Variants in IPP observed in about 807,000 individuals in gnomAD.
IPP encodes actin-binding protein IPP.
In IPP, 41 loss-of-function variants were observed where a neutral mutation model predicts 64.1. The ratio of observed to expected loss-of-function variants is 0.64; its 90% CI spans 0.50 to 0.83. The LOEUF (loss-of-function observed/expected upper bound fraction) is 0.83, where lower values mean the gene tolerates loss of function less well. Ranked by LOEUF, IPP falls within the 40% of genes least tolerant of loss-of-function variation. IPP has a pLI of 0.00. For synonymous variants in IPP, 214 were observed against 235.2 expected, an observed-to-expected ratio of 0.91 and a Z score of 0.83; for missense variants, 649 against 703.0, an observed-to-expected ratio of 0.92 and a Z score of 0.87.
At chr1:45,747,861 A>AAAAAAAAC in intron 1 of IPP, among the ~76,000 whole-genome samples, 1 of 128,850 alleles carries the variant, frequency 7.8e-6, no homozygotes, top group Non-Finnish European at 1.7e-5. Flanking sequence ...AAAAAAAAAA[A>AAAAAAAAC]AAAAAACCAT....
chr1:45,739,994 G>A (rs888153629), intron 3 of IPP, among the ~76,000 whole-genome samples: 1 of 152,106 alleles, frequency 6.6e-6, no homozygotes, highest in East Asian at 1.9e-4. Context: ...TGTGTCCCTG[G>A]GTACTTGAGA....
chr1:45,748,969 C>CA (rs531462356), intron 1 of IPP, among the ~76,000 whole-genome samples: 37,523 of 97,114 alleles, frequency 0.39, 5,319 homozygotes, highest in East Asian at 0.49. Flanking sequence ...GACTCCGTCT[C>CA]AAAAAAAAAA....
chr1:45,737,042 CAAAA>C (rs367755391), intron 3 of IPP, among the ~76,000 whole-genome samples: 2 of 112,788 alleles, frequency 1.8e-5, no homozygotes, highest in Non-Finnish European at 3.5e-5. Flanking sequence ...GACTCCATCT[CAAAA>C]AAAAAAAAAA....
chr1:45,712,213 G>A (rs905812149), intron 8 of IPP, among the ~76,000 whole-genome samples: 3 of 151,248 alleles, frequency 2.0e-5, no homozygotes, highest in Admixed American at 1.3e-4. Flanking sequence ...AGCTACTCGG[G>A]AGGCTGAGGC....
At chr1:45,721,502 G>T (rs1173471458) in intron 5 of IPP, among the ~76,000 whole-genome samples, 1 of 152,222 alleles carries the variant, frequency 6.6e-6, no homozygotes, top group Non-Finnish European at 1.5e-5. Flanking sequence ...ATGTGTGACT[G>T]TGACTCTACT....
chr1:45,704,241 C>CTTTT (rs1043202416), intron 8 of IPP, among the ~76,000 whole-genome samples: 1 of 142,916 alleles, frequency 7.0e-6, no homozygotes, highest in Non-Finnish European at 1.5e-5. Flanking sequence ...GAAGCAAAGT[C>CTTTT]TTTTTTTTTT....
chr1:45,719,168 A>G, intron 6 of IPP, 35 bp downstream of exon 6: 1 of 1,604,352 alleles, frequency 6.2e-7, no homozygotes, highest in Non-Finnish European at 8.5e-7. Context: ...TACATAAACA[A>G]TATTAGCTAT....
downstream of IPP, chr1:45,696,771 A>G (rs1222409444): frequency 6.6e-6 from 1 of 152,304 alleles, no homozygotes; most frequent in Non-Finnish European, 1.5e-5. Context: ...CAAGAGCGAA[A>G]CTCCATCTCA....
intron 8 of IPP, among the ~76,000 whole-genome samples, chr1:45,701,284 CT>C (rs139641704): frequency 4.0e-5 from 6 of 149,792 alleles, no homozygotes; most frequent in Admixed American, 6.7e-5. Flanking sequence ...TAGTGTCTTA[CT>C]TTTTTTTTTG....
chr1:45,740,931 G>T lies in IPP; in HGVS notation c.694C>A (p.Pro232Thr), dbSNP rs774768165. 1.9e-6 allele frequency: 3 copies of T among 1,606,198 alleles called. No homozygotes were observed. The highest frequency in any genetic ancestry group is 2.5e-6 in the Non-Finnish European group (3 of 1,177,330). The change falls in exon 3 of 9, where the codon CCT (proline) becomes ACT (threonine). Residue 232 changes from proline to threonine, a missense_variant. Physicochemically the swap from Pro to Thr is conservative, Grantham distance 38 (BLOSUM62 -1). Transcript: ENST00000396478. ...VLDPIRFPLL[P>T]PQRLLKYIEG... Reference sequence around the variant, plus strand: ...ATATACTTTAAAAGTCTCTGAGGAGGTAATAAAGGGAATCGAATTGGGTCT... The same window carrying T: ...ATATACTTTAAAAGTCTCTGAGGAGTTAATAAAGGGAATCGAATTGGGTCT...
chr1:45,743,966 A>C lies in IPP; in HGVS notation c.292+2154T>G, dbSNP rs140834589. 6.2e-3 allele frequency among the ~76,000 whole-genome samples: 940 copies of C among 152,084 alleles called. 6 individuals carry two copies. The highest frequency in any genetic ancestry group is 0.022 in the African/African-American group (907 of 41,484). ...TGGGAGGCAGACGTTGCAGTGAGCC[A>C]AGATTGTGCCACTATACTCCAGCCT... On this transcript the variant is annotated intron_variant, in intron 2 of 8. Transcript: ENST00000396478.
chr1:45,733,391 C>CT lies in IPP; in HGVS notation c.725-3623dup, dbSNP rs1377019054. On this transcript the variant is annotated intron_variant, in intron 3 of 8. Coordinates refer to ENST00000396478, the MANE Select transcript of IPP (RefSeq NM_005897.3). ...CAGTGAGCTGAGATCACACCACTGA[C>CT]TCCAGCCTGGGTGACAAAGTAAGAC... is the stretch of plus-strand genomic sequence containing the variant. Among the ~76,000 whole-genome samples the CT allele has an allele frequency of 2.0e-5, 3 of 151,504 alleles. No homozygotes were observed. In the East Asian group the frequency reaches 5.8e-4, roughly 29 times the overall value.
chr1:45,702,933 T>C (rs1645473405), intron 8 of IPP, among the ~76,000 whole-genome samples: 1 of 152,050 alleles, frequency 6.6e-6, no homozygotes, highest in Admixed American at 6.6e-5. Flanking sequence ...TTGTCAGAAA[T>C]GAGAATCAAA....
At chr1:45,749,532 T>G (rs1380691601) in intron 1 of IPP, among the ~76,000 whole-genome samples, 40 of 149,354 alleles carry the variant, frequency 2.7e-4, no homozygotes, top group African/African-American at 7.6e-4. Flanking sequence ...TTTGTTTTTT[T>G]TTTTTTGAGA....
chr1:45,696,461 A>T (rs1024396540), downstream of IPP, among the ~76,000 whole-genome samples: 2 of 152,232 alleles, frequency 1.3e-5, no homozygotes, highest in Admixed American at 1.3e-4. Flanking sequence ...AAAAAACTAG[A>T]TACTTTATTA....
At chr1:45,723,554 T>G (rs529927310) in intron 5 of IPP, among the ~76,000 whole-genome samples, 2 of 152,204 alleles carry the variant, frequency 1.3e-5, no homozygotes, top group African/African-American at 4.8e-5. Context: ...AAAGGAATTA[T>G]TAAAGTTGTA....
intron 5 of IPP, among the ~76,000 whole-genome samples, chr1:45,725,176 C>CT (rs1645801258): frequency 7.2e-6 from 1 of 138,812 alleles, no homozygotes; most frequent in African/African-American, 2.7e-5. Context: ...GGGTCAGCCC[C>CT]CCGCCCGGCC....
Position 45,716,988 on chromosome 1 carries a change from T to C in IPP, c.1216A>G (p.Thr406Ala). The change falls in exon 7 of 9, where the codon ACC becomes GCC. Residue 406 changes from threonine to alanine, a missense_variant. By Grantham distance (58) the Thr-to-Ala change is moderately conservative. Coordinates refer to ENST00000396478, the MANE Select transcript of IPP (RefSeq NM_005897.3). ...GGWVGAEIGN[T>A]IERFDPDENK... is the part of the protein sequence containing the mutation. ...TCATCAGGATCAAATCGTTCAATGG[T>C]GTTCCCTATCTCAGCTCCAACCCAT... The C allele has an allele frequency of 2.5e-6, 4 of 1,613,156 alleles. No homozygotes were observed. Among genetic ancestry groups the C allele is most frequent in the Non-Finnish European group, 3.4e-6 (4 of 1,179,538 alleles).
downstream of IPP, chr1:45,698,099 T>TC (rs1645402778): frequency 6.6e-6 from 1 of 152,042 alleles, no homozygotes; most frequent in Non-Finnish European, 1.5e-5. Context: ...GGTCAGGAGT[T>TC]CGAGACCAGC....
Sources: allele counts gnomAD v4.1 joint callset (sites outside exome capture counted in the v4.1 genomes callset), GRCh38; gene constraint gnomAD v4.1.1; transcripts MANE v1.5; gene names NCBI Gene and HGNC (gene_info 2026-07-23, HGNC 2026-07-21).